Variants in CACNA1C observed in about 807,000 individuals in gnomAD.
The protein encoded by CACNA1C is calcium voltage-gated channel subunit alpha1 C, also known as voltage-dependent L-type calcium channel subunit alpha-1C.
In CACNA1C, 30 loss-of-function variants were observed where a neutral mutation model predicts 229.0. The ratio of observed to expected loss-of-function variants is 0.13; its 90% confidence interval spans 0.10 to 0.18. CACNA1C has a LOEUF of 0.18. CACNA1C is among the 10% of genes least tolerant of loss of function. The pLI, the probability that CACNA1C is intolerant of heterozygous loss-of-function variation, is 1.00. For missense variants in CACNA1C, 1,658 were observed against 2,845.0 expected (o/e 0.58, Z 9.49); for synonymous variants, 1,114 against 1,132.5 (o/e 0.98, Z 0.33).
intron 3 of CACNA1C, among the ~76,000 whole-genome samples, chr12:2,232,240 T>G (rs1219840535): frequency 4.1e-5 from 6 of 147,856 alleles, no homozygotes; most frequent in South Asian, 2.3e-4. Flanking sequence ...TTTTTTTTTT[T>G]TTTTTTTTTT....
chr12:2,138,560 G>C (rs2093793145), intron 3 of CACNA1C, among the ~76,000 whole-genome samples: 1 of 151,146 alleles, frequency 6.6e-6, no homozygotes. Flanking sequence ...TGACCAGAGA[G>C]AGCAGGTAAG....
chr12:2,567,678 C>T lies in CACNA1C; in HGVS notation c.1779C>T (p.Cys593=). ...TGTCCCTCTTCAACCGCTTTGACTG[C>T]TTCGTCGTGTGTGGCGGCATCCTGG... The part of the protein sequence containing the change: ...YFVSLFNRFD[C]FVVCGGILET... Residue 593 remains cysteine (C), a synonymous_variant, in exon 13 of 47, where the codon TGC becomes TGT. Transcript: ENST00000399655. 6.2e-7 allele frequency: 1 copy of T among 1,613,644 alleles called. No homozygotes were observed. Among genetic ancestry groups the T allele is most frequent in the Non-Finnish European group, 8.5e-7 (1 of 1,179,714 alleles).
chr12:2,546,827 T>C (rs756074113), intron 9 of CACNA1C, among the ~76,000 whole-genome samples: 1 of 152,240 alleles, frequency 6.6e-6, no homozygotes, highest in Non-Finnish European at 1.5e-5. Flanking sequence ...CCCTAGGCCT[T>C]TGATGGGTCT....
chr12:2,496,293 G>A (rs1008670002), intron 7 of CACNA1C, among the ~76,000 whole-genome samples: 2 of 152,170 alleles, frequency 1.3e-5, no homozygotes, highest in Admixed American at 1.3e-4. Context: ...ACAGGGAGGA[G>A]GGGGAAATAA....
In CACNA1C at chr12:2,688,489, C is replaced by T. The variant is rs200666365; in HGVS notation, c.5827C>T (p.His1943Tyr). The T allele has an allele frequency of 5.6e-6, 9 of 1,613,812 alleles. No homozygotes were observed. Among genetic ancestry groups the T allele is most frequent in the Middle Eastern group, 1.6e-4 (1 of 6,062 alleles). Residue 1943 changes from histidine to tyrosine, a missense_variant, in exon 46 of 47, where the codon CAT (histidine) becomes TAT (tyrosine). Physicochemically the swap from His to Tyr is moderately conservative, Grantham distance 83 (BLOSUM62 2). Coordinates refer to ENST00000399655, the MANE Select transcript of CACNA1C (RefSeq NM_000719.7). Reference protein sequence around the residue: ...AGLSPLLQRSHSPASFPRPFA... With the variant: ...AGLSPLLQRSYSPASFPRPFA... ...CCTGAGCCCCCTCCTCCAGAGAAGCCATTCCCCTGCCTCATTCCCTAGGCC... is the reference window on the plus strand; with the variant it reads ...CCTGAGCCCCCTCCTCCAGAGAAGCTATTCCCCTGCCTCATTCCCTAGGCC...
At chr12:2,387,882 C>A (rs997947607) in intron 3 of CACNA1C, among the ~76,000 whole-genome samples, 1 of 152,150 alleles carries the variant, frequency 6.6e-6, no homozygotes, top group African/African-American at 2.4e-5. Context: ...ATCCTAGGAG[C>A]AGTGAAACCC....
chr12:2,425,095 G>A (rs537353079), intron 3 of CACNA1C, among the ~76,000 whole-genome samples: 1 of 152,240 alleles, frequency 6.6e-6, no homozygotes, highest in Non-Finnish European at 1.5e-5. Context: ...CCCCAGGGAG[G>A]GATAGGCCCG....
chr12:2,674,405 GAAGC>G, intron 38 of CACNA1C, 132 bp from the exon 39 acceptor site: 1 of 1,290,168 alleles, frequency 7.8e-7, no homozygotes, highest in Non-Finnish European at 1.0e-6. Context: ...GGGGAGAAGT[GAAGC>G]AAGCAAGAAA....
chr12:2,398,242 C>T (rs919830989), intron 3 of CACNA1C, among the ~76,000 whole-genome samples: 9 of 152,228 alleles, frequency 5.9e-5, no homozygotes, highest in Admixed American at 3.3e-4. Flanking sequence ...CTTCCACATA[C>T]GTGCCCCTCC....
intron 3 of CACNA1C, among the ~76,000 whole-genome samples, chr12:2,355,260 G>A (rs1253656467): frequency 6.6e-6 from 1 of 152,172 alleles, no homozygotes; most frequent in African/African-American, 2.4e-5. Flanking sequence ...GCTGGCTGAT[G>A]TTCACTGACA....
intron 9 of CACNA1C, among the ~76,000 whole-genome samples, chr12:2,537,276 C>T (rs542096313): frequency 1.4e-4 from 21 of 152,198 alleles, no homozygotes; most frequent in Non-Finnish European, 2.9e-4. Flanking sequence ...CAGATCTACC[C>T]GGGTTCAAAT....
chr12:2,249,298 G>T (rs1039182838), intron 3 of CACNA1C, among the ~76,000 whole-genome samples: 1 of 152,156 alleles, frequency 6.6e-6, no homozygotes, highest in Admixed American at 6.5e-5. Context: ...GGCCACATCC[G>T]GCCTGCCATC....
chr12:2,099,206 G>A (rs1565670346), intron 1 of CACNA1C, among the ~76,000 whole-genome samples: 1 of 152,232 alleles, frequency 6.6e-6, no homozygotes, highest in African/African-American at 2.4e-5. Flanking sequence ...AGGAAAAGAT[G>A]AAGAGAAAAA....
At chr12:2,401,408 G>A (rs562275402) in intron 3 of CACNA1C, among the ~76,000 whole-genome samples, 1 of 152,224 alleles carries the variant, frequency 6.6e-6, no homozygotes, top group Non-Finnish European at 1.5e-5. Context: ...TTGTGACAAA[G>A]GACACATTTC....
In CACNA1C at chr12:2,264,867, C is replaced by T. The variant is rs545882955; in HGVS notation, c.477+144437C>T. Among the ~76,000 whole-genome samples, 4 of 152,344 alleles carry T rather than the reference C, an allele frequency of 2.6e-5. No individual in the cohort carries two copies. The East Asian group carries it at 7.7e-4, about 29-fold the overall frequency. ...CCATCCCAAGTTCTTCTCCATTTGC[C>T]AGAGTCCACCTCCACCCCAGCCCAG... On this transcript the variant is annotated intron_variant, in intron 3 of 46. Coordinates refer to ENST00000399655, the MANE Select transcript of CACNA1C (RefSeq NM_000719.7).
chr12:2,452,711 G>A (rs1335515828), intron 4 of CACNA1C, among the ~76,000 whole-genome samples: 1 of 152,206 alleles, frequency 6.6e-6, no homozygotes, highest in African/African-American at 2.4e-5. Flanking sequence ...TTAATAAAGA[G>A]TCTCAACTTG....
chr12:2,582,315 T>G (rs2060823989), intron 14 of CACNA1C, among the ~76,000 whole-genome samples: 1 of 152,168 alleles, frequency 6.6e-6, no homozygotes, highest in South Asian at 2.1e-4. Flanking sequence ...ATCAAATTTG[T>G]GATTTCATAG....
At chr12:2,496,092 C>G (rs1293838019) in intron 7 of CACNA1C, among the ~76,000 whole-genome samples, 2 of 152,152 alleles carry the variant, frequency 1.3e-5, no homozygotes, top group East Asian at 3.8e-4. Context: ...ATAAAAATAC[C>G]CAAACCTCCC....
At chr12:2,240,004 CAA>C (rs1469831613) in intron 3 of CACNA1C, among the ~76,000 whole-genome samples, 6 of 152,322 alleles carry the variant, frequency 3.9e-5, no homozygotes, top group Non-Finnish European at 5.9e-5. Flanking sequence ...AAGACTTAAA[CAA>C]ATTTCTTTCA....
Sources: allele counts gnomAD v4.1 joint callset (sites outside exome capture counted in the v4.1 genomes callset), GRCh38; gene constraint gnomAD v4.1.1; transcripts MANE v1.5; gene names NCBI Gene and HGNC (gene_info 2026-07-23, HGNC 2026-07-21).